RAC1: variants seen among roughly 807,000 people sequenced by gnomAD.
RAC1 encodes ras-related C3 botulinum toxin substrate 1.
A neutral mutation model predicts 25.2 loss-of-function variants in RAC1; 2 were observed. That is an observed-to-expected ratio of 0.08 (90% CI 0.03 to 0.25). RAC1 has a LOEUF of 0.25. Among genes scored for constraint, RAC1 ranks in the 10% least tolerant of loss-of-function variants. RAC1 has a pLI of 1.00. For synonymous variants in RAC1, 88 were observed against 94.0 expected (o/e 0.94, Z 0.37); for missense variants, 50 against 235.7 (o/e 0.21, Z 5.16).
At chr7:6,400,637 T>C (rs1161308892) in intron 4 of RAC1, among the ~76,000 whole-genome samples, 1 of 152,108 alleles carries the variant, frequency 6.6e-6, no homozygotes, top group African/African-American at 2.4e-5. Context: ...ATCAGCAGTT[T>C]ATTTTATTTA....
chr7:6,397,396 G>C (rs1783275107), intron 3 of RAC1, among the ~76,000 whole-genome samples: 1 of 151,878 alleles, frequency 6.6e-6, no homozygotes, highest in Non-Finnish European at 1.5e-5. Flanking sequence ...CCGGGTTCAA[G>C]CAGTTCTCTG....
intron 2 of RAC1, among the ~76,000 whole-genome samples, chr7:6,390,828 A>G (rs1361659549): frequency 6.6e-6 from 1 of 152,120 alleles, no homozygotes; most frequent in Non-Finnish European, 1.5e-5. Context: ...TCACAATACT[A>G]TTTATCCAAT....
chr7:6,379,685 T>C (rs1017546460), intron 1 of RAC1, among the ~76,000 whole-genome samples: 6 of 152,184 alleles, frequency 3.9e-5, no homozygotes, highest in African/African-American at 1.4e-4. Flanking sequence ...GCTGGGATTA[T>C]GGGCGTGAGC....
At chr7:6,390,096 C>CTTTTTTTTTTTTTTTTTTTTTTTT (rs34547258) in intron 2 of RAC1, among the ~76,000 whole-genome samples, 1 of 74,924 alleles carries the variant, frequency 1.3e-5, no homozygotes. Context: ...CCCTCCCTCC[C>CTTTTTTTTTTTTTTTTTTTTTTTT]TTTTTTTTTT....
chr7:6,389,094 C>G (rs2115195955), intron 2 of RAC1, among the ~76,000 whole-genome samples: 1 of 151,776 alleles, frequency 6.6e-6, no homozygotes, highest in Middle Eastern at 3.4e-3. Context: ...CCCAGCTACT[C>G]AGGAGGCTGA....
chr7:6,399,959 G>A, intron 3 of RAC1, 167 bp from the exon 4 acceptor site: 2 of 624,086 alleles, frequency 3.2e-6, no homozygotes, highest in South Asian at 4.0e-5. Context: ...GGTTTGGTTT[G>A]GGAGCCCTCT....
chr7:6,377,156 G>C (rs1782627768), intron 1 of RAC1, among the ~76,000 whole-genome samples: 2 of 151,822 alleles, frequency 1.3e-5, no homozygotes, highest in Non-Finnish European at 2.9e-5. Context: ...GACTCTGTGA[G>C]GGAGTATTAG....
intron 3 of RAC1, chr7:6,398,732 T>A (rs200639704): frequency 6.2e-7 from 1 of 1,610,100 alleles, no homozygotes; most frequent in African/African-American, 1.3e-5. Context: ...TGTAAAACTT[T>A]CAGTCCACTT....
intron 3 of RAC1, among the ~76,000 whole-genome samples, chr7:6,393,826 C>T (rs1406211221): frequency 6.6e-6 from 1 of 152,138 alleles, no homozygotes; most frequent in Admixed American, 6.5e-5. Context: ...GAGCACCCAC[C>T]CAGCAGTGGA....
At chr7:6,397,534 C>T (rs1441430998) in intron 3 of RAC1, among the ~76,000 whole-genome samples, 4 of 152,102 alleles carry the variant, frequency 2.6e-5, no homozygotes, top group Non-Finnish European at 5.9e-5. Flanking sequence ...ACCTCGTGAT[C>T]CACCTGCCTC....
chr7:6,381,346 C>T (rs1268781469), intron 1 of RAC1, among the ~76,000 whole-genome samples: 2 of 150,628 alleles, frequency 1.3e-5, no homozygotes, highest in Non-Finnish European at 1.5e-5. Context: ...AAACTTTATG[C>T]ACTATCTTAA....
At chr7:6,399,173 G>A (rs948697207) in intron 3 of RAC1, among the ~76,000 whole-genome samples, 14 of 152,296 alleles carry the variant, frequency 9.2e-5, no homozygotes, top group African/African-American at 2.6e-4. Flanking sequence ...GCTGGGTGCC[G>A]CGGTGATTCT....
In RAC1 at chr7:6,379,596, G is replaced by A. The variant is rs141836328; in HGVS notation, c.35+4826G>A. Among the ~76,000 whole-genome samples the A allele has an allele frequency of 8.8e-3, 1,346 of 152,196 alleles. 22 individuals are homozygous for A. Among genetic ancestry groups the A allele is most frequent in the African/African-American group, 0.031 (1,291 of 41,530 alleles). On this transcript the variant is annotated intron_variant, in intron 1 of 5. Coordinates refer to ENST00000348035, the MANE Select transcript of RAC1 (RefSeq NM_006908.5). ...GGCAATTTTTTGTATTTTTAATAGA[G>A]ACAGGGTTTCACCATGTTGACCAGG...
intron 1 of RAC1, among the ~76,000 whole-genome samples, chr7:6,386,192 G>C (rs562171362): frequency 6.6e-6 from 1 of 152,270 alleles, no homozygotes; most frequent in South Asian, 2.1e-4. Flanking sequence ...AACTCCCATC[G>C]TCTCTGAGCT....
intron 3 of RAC1, among the ~76,000 whole-genome samples, chr7:6,392,256 C>T (rs35109685): frequency 0.012 from 1,753 of 152,220 alleles, 37 homozygotes; most frequent in African/African-American, 0.04. Flanking sequence ...CATTGTTGGG[C>T]ATTTTACAGT....
In RAC1 at chr7:6,403,483, G is replaced by T. The variant is rs562915357; in HGVS notation, c.*1037G>T. On this transcript the variant is annotated 3_prime_UTR_variant, in exon 6 of 6. Transcript: ENST00000348035. Reference sequence around the variant, plus strand: ...AATCTTTCTGATAATGCATTAGAAGGTTTTTTTGTCGATTAGTAAAAGTGC... The same window carrying T: ...AATCTTTCTGATAATGCATTAGAAGTTTTTTTTGTCGATTAGTAAAAGTGC... The T allele has an allele frequency of 1.7e-4, 38 of 218,316 alleles. No individual in the cohort carries two copies. The highest frequency in any genetic ancestry group is 2.7e-4 in the Non-Finnish European group (29 of 108,438). The allele number at this position is 218,316 out of a possible 1,614,324, so 13.5% of individuals were successfully genotyped here. A position where few individuals can be genotyped will look rare whatever the true frequency, so the allele number is the denominator to read the frequency against.
Position 6,378,523 on chromosome 7 carries a change from G to A in RAC1, c.35+3753G>A, listed in dbSNP as rs1408710646. 2.6e-5 allele frequency among the ~76,000 whole-genome samples: 4 copies of A among 152,040 alleles called. No individual in the cohort carries two copies. In the South Asian group the frequency reaches 8.3e-4, roughly 32 times the overall value. ...ATTGTGTCACTGCACTCCAGCCTGG[G>A]CGACAAGAGCAAGGCTCTGTCTTGA... On this transcript the variant is annotated intron_variant, in intron 1 of 5. Transcript: ENST00000348035.
chr7:6,400,050 C>T (rs1032949381), intron 3 of RAC1, 76 bp from the exon 4 acceptor site: 1 of 1,315,100 alleles, frequency 7.6e-7, no homozygotes, highest in African/African-American at 1.5e-5. Flanking sequence ...TCCTTCCCAG[C>T]AACATGTAGA....
At chr7:6,388,271 C>A (rs1782979713) in intron 2 of RAC1, among the ~76,000 whole-genome samples, 1 of 151,842 alleles carries the variant, frequency 6.6e-6, no homozygotes, top group South Asian at 2.1e-4. Context: ...GTGTTCACCT[C>A]CTCAGGCACA....
Sources: allele counts gnomAD v4.1 joint callset (sites outside exome capture counted in the v4.1 genomes callset), GRCh38; gene constraint gnomAD v4.1.1; transcripts MANE v1.5; gene names NCBI Gene and HGNC (gene_info 2026-07-23, HGNC 2026-07-21).